Variants in AHCYL2 observed in about 807,000 individuals in gnomAD.
AHCYL2 encodes S-adenosylhomocysteine hydrolase-like protein 2.
AHCYL2 carries 28 observed loss-of-function variants against 81.4 expected under a neutral mutation model. That is an observed-to-expected ratio of 0.34 (90% CI 0.25 to 0.47). AHCYL2 has a LOEUF of 0.47. AHCYL2 is among the 20% of genes least tolerant of loss of function. AHCYL2 has a pLI of 1.00. For missense variants in AHCYL2, 551 were observed against 785.1 expected, an observed-to-expected ratio of 0.70 and a Z score of 3.56; for synonymous variants, 272 against 290.2, an observed-to-expected ratio of 0.94 and a Z score of 0.64.
At chr7:129,293,137 C>CA (rs1796927254) in intron 1 of AHCYL2, among the ~76,000 whole-genome samples, 1 of 70,198 alleles carries the variant, frequency 1.4e-5, no homozygotes, top group Admixed American at 1.9e-4. Flanking sequence ...TCAGTGAAGA[C>CA]AGAGTTTTTG....
At chr7:129,324,641 A>G (rs1488960978) in intron 1 of AHCYL2, among the ~76,000 whole-genome samples, 2 of 151,926 alleles carry the variant, frequency 1.3e-5, no homozygotes, top group Non-Finnish European at 2.9e-5. Flanking sequence ...TCAGCCTCCC[A>G]AGTAGCTGGG....
At chr7:129,239,396 A>G (rs1311395753) in intron 1 of AHCYL2, among the ~76,000 whole-genome samples, 1 of 152,018 alleles carries the variant, frequency 6.6e-6, no homozygotes, top group Non-Finnish European at 1.5e-5. Flanking sequence ...TTGGCTTAGC[A>G]ATTAGTCTCA....
intron 1 of AHCYL2, among the ~76,000 whole-genome samples, chr7:129,312,841 C>G (rs1173752868): frequency 6.6e-6 from 1 of 152,128 alleles, no homozygotes; most frequent in Non-Finnish European, 1.5e-5. Flanking sequence ...CGTATGTAAC[C>G]ACTATTCAGA....
chr7:129,411,896 T>C (rs987536997), intron 11 of AHCYL2, among the ~76,000 whole-genome samples: 2 of 152,238 alleles, frequency 1.3e-5, no homozygotes, highest in Non-Finnish European at 2.9e-5. Context: ...TATTTACCCA[T>C]TCATTAACTG....
intron 1 of AHCYL2, among the ~76,000 whole-genome samples, chr7:129,284,995 A>G (rs1796578345): frequency 6.6e-6 from 1 of 152,220 alleles, no homozygotes; most frequent in African/African-American, 2.4e-5. Context: ...TCTAGTTAAA[A>G]TATTTTGGAG....
intron 5 of AHCYL2, among the ~76,000 whole-genome samples, chr7:129,398,540 G>A (rs1795859195): frequency 6.6e-6 from 1 of 151,196 alleles, no homozygotes; most frequent in Non-Finnish European, 1.5e-5. Flanking sequence ...CACTATACCC[G>A]GCTAATTTTT....
chr7:129,362,431 T>C (rs749057319), intron 1 of AHCYL2, among the ~76,000 whole-genome samples: 1 of 152,086 alleles, frequency 6.6e-6, no homozygotes, highest in African/African-American at 2.4e-5. Flanking sequence ...GTGTCTGTGA[T>C]AGCACTGGCA....
intron 1 of AHCYL2, among the ~76,000 whole-genome samples, chr7:129,284,012 A>G (rs1446226702): frequency 5.9e-5 from 9 of 152,208 alleles, no homozygotes; most frequent in Non-Finnish European, 1.0e-4. Flanking sequence ...AAAAGAAAGC[A>G]CTGTCCTTTG....
At chr7:129,243,422 TAAA>T (rs1166642354) in intron 1 of AHCYL2, among the ~76,000 whole-genome samples, 1 of 152,196 alleles carries the variant, frequency 6.6e-6, no homozygotes, top group African/African-American at 2.4e-5. Flanking sequence ...ATTAAAAAGT[TAAA>T]AATTTTAATA....
chr7:129,405,140 A>G lies in AHCYL2; in HGVS notation c.1069A>G (p.Met357Val), dbSNP rs1344430469. ...AGCTGGGAAGCTGTGTGTTCCAGCC[A>G]TGAATGTCAATGACTCAGTCACCAA... ...SKAGKLCVPA[M>V]NVNDSVTKQK... The change falls in exon 8 of 17, where the codon ATG (methionine) becomes GTG (valine). Residue 357 changes from methionine to valine, a missense_variant. Physicochemically the swap from Met to Val is conservative, Grantham distance 21 (BLOSUM62 1). Around this residue, in one of 2 missense-constraint regions of AHCYL2, gnomAD observed 316 missense variants for 543.1 expected, o/e 0.58. Coordinates refer to ENST00000325006, the MANE Select transcript of AHCYL2 (RefSeq NM_015328.4). 13 of 1,606,072 alleles carry G rather than the reference A, an allele frequency of 8.1e-6. No individual in the cohort carries two copies. The highest frequency in any genetic ancestry group is 1.1e-5 in the South Asian group (1 of 90,266).
chr7:129,240,641 T>C (rs536907699), intron 1 of AHCYL2, among the ~76,000 whole-genome samples: 1 of 151,874 alleles, frequency 6.6e-6, no homozygotes, highest in Admixed American at 6.6e-5. Context: ...GGAAAGTCAT[T>C]CTCTTATTTT....
intron 1 of AHCYL2, among the ~76,000 whole-genome samples, chr7:129,230,887 G>A (rs879762141): frequency 6.6e-6 from 1 of 152,042 alleles, no homozygotes; most frequent in African/African-American, 2.4e-5. Flanking sequence ...CTTAATCTGT[G>A]TTTTTTGGGT....
chr7:129,347,452 G>A (rs547510209), intron 1 of AHCYL2, among the ~76,000 whole-genome samples: 3 of 152,218 alleles, frequency 2.0e-5, no homozygotes, highest in Non-Finnish European at 2.9e-5. Flanking sequence ...CTCTTTAAAC[G>A]TCTATTTTTA....
intron 1 of AHCYL2, among the ~76,000 whole-genome samples, chr7:129,239,323 T>C (rs750073714): frequency 1.3e-5 from 2 of 152,234 alleles, no homozygotes; most frequent in Non-Finnish European, 2.9e-5. Flanking sequence ...ATCAGGTAAC[T>C]CTGGCTCTGT....
At chr7:129,290,619 A>G (rs946427059) in intron 1 of AHCYL2, among the ~76,000 whole-genome samples, 1 of 151,754 alleles carries the variant, frequency 6.6e-6, no homozygotes, top group Admixed American at 6.6e-5. Flanking sequence ...TGCAGGTGAA[A>G]GAAAAACATG....
intron 8 of AHCYL2, 50 bp from the exon 9 acceptor site, chr7:129,405,786 G>A (rs1418251958): frequency 1.9e-6 from 3 of 1,551,284 alleles, no homozygotes; most frequent in African/African-American, 1.4e-5. Context: ...CTAACCTCAA[G>A]GGAGAAACAA....
chr7:129,329,490 A>G (rs1479764265), intron 1 of AHCYL2, among the ~76,000 whole-genome samples: 2 of 152,158 alleles, frequency 1.3e-5, no homozygotes, highest in Non-Finnish European at 2.9e-5. Context: ...TGCCTGGTCT[A>G]TTAATGTCTG....
intron 1 of AHCYL2, among the ~76,000 whole-genome samples, chr7:129,294,668 T>C (rs547062549): frequency 6.6e-6 from 1 of 152,346 alleles, no homozygotes; most frequent in South Asian, 2.1e-4. Flanking sequence ...GCTGTTCATC[T>C]GAACAGGATA....
chr7:129,238,838 A>T (rs1186596166), intron 1 of AHCYL2, among the ~76,000 whole-genome samples: 1 of 152,274 alleles, frequency 6.6e-6, no homozygotes, highest in East Asian at 1.9e-4. Context: ...CTGTAATCCC[A>T]GCTGCTTAGG....
Sources: allele counts gnomAD v4.1 joint callset (sites outside exome capture counted in the v4.1 genomes callset), GRCh38; gene constraint gnomAD v4.1.1; regional missense constraint gnomAD v4.1.1; transcripts MANE v1.5; gene names NCBI Gene and HGNC (gene_info 2026-07-23, HGNC 2026-07-21).